ZNF496: variants seen among roughly 807,000 people sequenced by gnomAD.
ZNF496 encodes the protein zinc finger protein 496.
In ZNF496, 11 loss-of-function variants were observed where a neutral mutation model predicts 58.9. The ratio of observed to expected loss-of-function variants is 0.19; its 90% CI spans 0.12 to 0.31. ZNF496 has a LOEUF of 0.31. Among genes scored for constraint, ZNF496 ranks in the 10% least tolerant of loss-of-function variants. The pLI, the probability that ZNF496 is intolerant of heterozygous loss-of-function variation, is 1.00. For synonymous variants in ZNF496, 338 were observed against 318.2 expected (o/e 1.06, Z -0.66); for missense variants, 660 against 783.0 (o/e 0.84, Z 1.88).
At chr1:247,325,794 TA>T (rs1315560465) in intron 5 of ZNF496, among the ~76,000 whole-genome samples, 1 of 152,080 alleles carries the variant, frequency 6.6e-6, no homozygotes, top group African/African-American at 2.4e-5. Flanking sequence ...CATGCCTGGC[TA>T]GGAGGTGGTG....
At chr1:247,324,178 A>G (rs1017313245) in intron 5 of ZNF496, among the ~76,000 whole-genome samples, 1 of 152,218 alleles carries the variant, frequency 6.6e-6, no homozygotes, top group African/African-American at 2.4e-5. Context: ...GACGACATGA[A>G]TGAACCTGAA....
intron 9 of ZNF496, among the ~76,000 whole-genome samples, chr1:247,302,795 G>A (rs758145771): frequency 6.6e-6 from 1 of 152,190 alleles, no homozygotes; most frequent in Non-Finnish European, 1.5e-5. Flanking sequence ...GGGCAGGTGA[G>A]GTCATGTGTA....
intron 9 of ZNF496, among the ~76,000 whole-genome samples, chr1:247,306,175 A>AGCCT (rs992854958): frequency 7.9e-5 from 12 of 152,072 alleles, no homozygotes; most frequent in Non-Finnish European, 1.3e-4. Flanking sequence ...ATGGGTCTGA[A>AGCCT]GCCTGACAGC....
chr1:247,309,628 G>A lies in ZNF496; in HGVS notation c.892+71C>T. On this transcript the variant is annotated intron_variant, in intron 8 of 9. Transcript: ENST00000682384. This position sits in a 1 kb window ranked among gnomAD's most constrained non-coding sequence, Gnocchi z 4.3. ...AGGGGCCGCAGAGAGAAGCCAGAGA[G>A]TGGGCTCACCTCCGGCTGCCAGCAA... 5 of 1,589,926 alleles carry A rather than the reference G, an allele frequency of 3.1e-6. No individual in the cohort carries two copies. The highest frequency in any genetic ancestry group is 1.3e-5 in the African/African-American group (1 of 74,520).
chr1:247,310,379 A>C lies in ZNF496; in HGVS notation c.729T>G (p.Thr243=). ...CAATGATGAACTCTCCATAGAAGCC[A>C]GTCTGGGCAGGATCTAGAAGGGACC... ...EDWSLLDPAQ[T]GFYGEFIIGE... The change falls in exon 7 of 10, where the codon ACT becomes ACG. Residue 243 remains threonine, a synonymous_variant. Transcript: ENST00000682384. 2 of 1,614,222 alleles carry C rather than the reference A, an allele frequency of 1.2e-6. No homozygotes were observed. The highest frequency in any genetic ancestry group is 1.7e-6 in the Non-Finnish European group (2 of 1,180,040).
intron 9 of ZNF496, among the ~76,000 whole-genome samples, chr1:247,303,502 A>T (rs1214828868): frequency 6.6e-6 from 1 of 152,184 alleles, no homozygotes. Flanking sequence ...GTGCATGTTT[A>T]AAAAGCCTTG....
At chr1:247,307,919 C>G (rs1338972543) in intron 9 of ZNF496, 3 of 985,288 alleles carry the variant, frequency 3.0e-6, no homozygotes. Flanking sequence ...TCTCTGAAAG[C>G]AGGAATGGAA....
At chr1:247,312,860 C>T (rs1476313247) in intron 6 of ZNF496, 5 of 152,216 alleles carry the variant, frequency 3.3e-5, no homozygotes, top group South Asian at 2.1e-4. Context: ...GCTTCTTCCA[C>T]GTTGTATTTG....
intron 6 of ZNF496, among the ~76,000 whole-genome samples, chr1:247,321,166 A>C (rs908517493): frequency 6.6e-6 from 1 of 151,034 alleles, no homozygotes; most frequent in African/African-American, 2.4e-5. Flanking sequence ...ACAGAGCAAG[A>C]CTCCATCTCG....
At chr1:247,315,224 C>T (rs762724518) in intron 6 of ZNF496, among the ~76,000 whole-genome samples, 2 of 152,058 alleles carry the variant, frequency 1.3e-5, no homozygotes, top group Admixed American at 6.5e-5. Flanking sequence ...TCACAGCTGA[C>T]GTGACCCATG....
intron 6 of ZNF496, 37 bp downstream of exon 6, chr1:247,323,117 C>G (rs1660012433): frequency 4.4e-6 from 7 of 1,573,576 alleles, no homozygotes; most frequent in Non-Finnish European, 6.1e-6. Flanking sequence ...CAGAGGCAAA[C>G]AGGGGATTTT....
chr1:247,300,036 T>G lies in ZNF496; in HGVS notation c.*483A>C, dbSNP rs540895433. On this transcript the variant is annotated 3_prime_UTR_variant, in exon 10 of 10. Coordinates refer to ENST00000682384, the MANE Select transcript of ZNF496 (RefSeq NM_032752.3). This position sits in a 1 kb window ranked among gnomAD's most constrained non-coding sequence, Gnocchi z 5.7. ...CTGAGCCCATCAGTCCCACCCTGCC[T>G]TCTTCTTTCCTCTAGTCCAACATCC... 3.9e-5 allele frequency: 6 copies of G among 153,682 alleles called. No homozygotes were observed. Among genetic ancestry groups the G allele is most frequent in the African/African-American group, 1.4e-4 (6 of 41,580 alleles). 9.5% of individuals were successfully genotyped at this position (153,682 alleles called of 1,614,324 possible).
At chr1:247,318,303 A>T (rs1659849477) in intron 6 of ZNF496, among the ~76,000 whole-genome samples, 1 of 152,230 alleles carries the variant, frequency 6.6e-6, no homozygotes, top group Admixed American at 6.5e-5. Context: ...AGAAAGAGAG[A>T]GGGACTAAAA....
intron 5 of ZNF496, among the ~76,000 whole-genome samples, chr1:247,325,450 T>C (rs1660090328): frequency 6.6e-6 from 1 of 152,244 alleles, no homozygotes; most frequent in African/African-American, 2.4e-5. Flanking sequence ...GTGATAACTA[T>C]ACATTGTGAA....
At chr1:247,319,353 T>C (rs575106383) in intron 6 of ZNF496, among the ~76,000 whole-genome samples, 13 of 152,320 alleles carry the variant, frequency 8.5e-5, no homozygotes, top group African/African-American at 1.7e-4. Context: ...AAGTTATGTA[T>C]ATATAATGTA....
At chr1:247,305,852 G>C (rs2103017811) in intron 9 of ZNF496, among the ~76,000 whole-genome samples, 1 of 152,320 alleles carries the variant, frequency 6.6e-6, no homozygotes, top group African/African-American at 2.4e-5. Context: ...AGCCAAAGCA[G>C]AAAGGCTGCT....
In ZNF496 at chr1:247,300,810, GAGTCTGTCCGGCTGC is replaced by G. The variant is rs1558434795; in HGVS notation, c.1458_1472del (p.Asp489_Pro493del). 28 of 1,604,680 alleles carry G rather than the reference GAGTCTGTCCGGCTGC, an allele frequency of 1.7e-5. No individual in the cohort carries two copies. The South Asian group carries it at 3.1e-4, about 18-fold the overall frequency. ...CCTGCTCTCTCTTCTCCACCGGCTG[GAGTCTGTCCGGCTGC>G]AGGTGTATCCGCCGGTGGGAGAGCA... On this transcript the variant is annotated inframe_deletion, in exon 10 of 10. Coordinates refer to ENST00000682384, the MANE Select transcript of ZNF496 (RefSeq NM_032752.3). This position sits in a 1 kb window ranked among gnomAD's most constrained non-coding sequence, Gnocchi z 5.7.
rs1236005402 is a variant in ZNF496, at chr1:247,308,448, A to T, written c.1006+27T>A. On this transcript the variant is annotated intron_variant, in intron 9 of 9. Transcript: ENST00000682384. The surrounding 1 kb of genome is among the most constrained non-coding windows in gnomAD (Gnocchi z 4.5). The stretch of plus-strand genomic sequence containing the variant: ...ACACACCACAGACACACAGGGACAA[A>T]CCCATACCTCCCTGACCCTTCTTTA... 6.2e-7 allele frequency: 1 copy of T among 1,602,820 alleles called. No individual in the cohort carries two copies. Among genetic ancestry groups the T allele is most frequent in the South Asian group, 1.1e-5 (1 of 90,826 alleles).
chr1:247,323,359 A>T, intron 5 of ZNF496, 129 bp from the exon 6 acceptor site: 1 of 629,698 alleles, frequency 1.6e-6, no homozygotes, highest in South Asian at 2.0e-5. Flanking sequence ...AGGCACCAAC[A>T]GGGAACTGTT....
Sources: allele counts gnomAD v4.1 joint callset (sites outside exome capture counted in the v4.1 genomes callset), GRCh38; gene constraint gnomAD v4.1.1; non-coding constraint Gnocchi (gnomAD v3.1); transcripts MANE v1.5; gene names NCBI Gene and HGNC (gene_info 2026-07-23, HGNC 2026-07-21).